CTIF: variants seen among roughly 807,000 people sequenced by gnomAD.
CTIF encodes the protein CBP80/20-dependent translation initiation factor.
Under a neutral mutation model 66.0 loss-of-function variants are expected in CTIF, and 21 were observed. The ratio of observed to expected loss-of-function variants is 0.32; its 90% CI spans 0.23 to 0.46. The LOEUF (loss-of-function observed/expected upper bound fraction) is 0.46. CTIF is among the 20% of genes least tolerant of loss of function. The pLI is 1.00. For missense variants in CTIF, 739 were observed against 812.7 expected (o/e 0.91, Z 1.10); for synonymous variants, 345 against 326.4 (o/e 1.06, Z -0.62).
intron 1 of CTIF, among the ~76,000 whole-genome samples, chr18:48,587,414 C>T (rs2089796302): frequency 3.3e-5 from 5 of 151,734 alleles, no homozygotes; most frequent in Admixed American, 3.3e-4. Context: ...AACTCCAAGC[C>T]ATTGAGGGTA....
chr18:48,615,363 C>T (rs879563260), intron 1 of CTIF, among the ~76,000 whole-genome samples: 2 of 152,202 alleles, frequency 1.3e-5, no homozygotes, highest in Non-Finnish European at 2.9e-5. Flanking sequence ...AAGCTTGGGG[C>T]TTTTCTGCTT....
intron 7 of CTIF, among the ~76,000 whole-genome samples, chr18:48,714,914 T>C (rs74389650): frequency 0.028 from 4,277 of 152,258 alleles, 209 homozygotes; most frequent in African/African-American, 0.096. Flanking sequence ...ACGGTCTTAG[T>C]GTTGGCCCAC....
At chr18:48,855,982 T>C (rs16950052) in intron 10 of CTIF, among the ~76,000 whole-genome samples, 11,274 of 152,200 alleles carry the variant, frequency 0.074, 819 homozygotes, top group East Asian at 0.42. Context: ...GTGGGGTCCC[T>C]GAGAGTCGTG....
intron 7 of CTIF, among the ~76,000 whole-genome samples, chr18:48,745,300 C>T (rs937331757): frequency 3.3e-5 from 5 of 152,186 alleles, no homozygotes; most frequent in African/African-American, 7.2e-5. Context: ...TCAGGAGGTA[C>T]GTGCTGTTCT....
At chr18:48,548,961 G>A (rs531132352) in intron 1 of CTIF, among the ~76,000 whole-genome samples, 3 of 152,234 alleles carry the variant, frequency 2.0e-5, no homozygotes, top group African/African-American at 7.2e-5. Context: ...GGGTGCCAAG[G>A]CAGCCAGAAG....
intron 9 of CTIF, among the ~76,000 whole-genome samples, chr18:48,800,673 C>G (rs1478605387): frequency 6.6e-6 from 1 of 152,182 alleles, no homozygotes; most frequent in Non-Finnish European, 1.5e-5. Context: ...GCTCCCCTGG[C>G]CAGGCATTTT....
rs768595480 is a variant in CTIF, at chr18:48,761,551, C to T, written c.1233C>T (p.Gly411=). 15 of 1,614,212 alleles carry T rather than the reference C, an allele frequency of 9.3e-6. No homozygotes were observed. The highest frequency in any genetic ancestry group is 5.0e-5 in the Admixed American group (3 of 60,028). ...CCACCAACTCCGAGGAGATGCTGGG[C>T]GAGATCGTGCGCACAATCTACCAGA... ...QNSTNSEEML[G]EIVRTIYQKA... Residue 411 remains glycine, a synonymous_variant, in exon 9 of 12, where the codon GGC becomes GGT. Coordinates refer to ENST00000256413, the MANE Select transcript of CTIF (RefSeq NM_014772.3). This position sits in a 1 kb window ranked among gnomAD's most constrained non-coding sequence, Gnocchi z 4.2.
At chr18:48,558,590 G>A (rs1184437747) in intron 1 of CTIF, among the ~76,000 whole-genome samples, 2 of 152,274 alleles carry the variant, frequency 1.3e-5, no homozygotes, top group East Asian at 3.9e-4. Context: ...CACAAAAAGT[G>A]GTCAGCACCT....
At chr18:48,741,826 A>G (rs2092557391) in intron 7 of CTIF, among the ~76,000 whole-genome samples, 1 of 152,120 alleles carries the variant, frequency 6.6e-6, no homozygotes, top group African/African-American at 2.4e-5. Context: ...CGTCATCTTC[A>G]TCTTCCCTTG....
intron 1 of CTIF, among the ~76,000 whole-genome samples, chr18:48,605,706 C>A (rs567796246): frequency 6.6e-6 from 1 of 152,236 alleles, no homozygotes; most frequent in African/African-American, 2.4e-5. Flanking sequence ...TGCAGCTGTC[C>A]CAGACTAGCC....
chr18:48,725,558 C>T (rs985952117), intron 7 of CTIF, among the ~76,000 whole-genome samples: 4 of 152,152 alleles, frequency 2.6e-5, no homozygotes, highest in Non-Finnish European at 5.9e-5. Flanking sequence ...TGAGGAGGAG[C>T]TCCCACCTTC....
At chr18:48,629,668 T>C (rs187263083) in intron 2 of CTIF, among the ~76,000 whole-genome samples, 115 of 152,266 alleles carry the variant, frequency 7.6e-4, no homozygotes, top group Non-Finnish European at 1.2e-3. Flanking sequence ...GTGATCTTTG[T>C]CTAATCCAAG....
chr18:48,816,145 A>G (rs1599098855), intron 9 of CTIF, among the ~76,000 whole-genome samples: 1 of 152,168 alleles, frequency 6.6e-6, no homozygotes, highest in African/African-American at 2.4e-5. Flanking sequence ...TATGTTGCCC[A>G]CCTTCTCCCT....
At chr18:48,717,840 C>T (rs2092296805) in intron 7 of CTIF, among the ~76,000 whole-genome samples, 3 of 152,160 alleles carry the variant, frequency 2.0e-5, no homozygotes, top group Non-Finnish European at 4.4e-5. Context: ...AATCCTCCTG[C>T]CTCAGCCTCT....
At chr18:48,638,304 G>A (rs1439485112) in intron 3 of CTIF, among the ~76,000 whole-genome samples, 2 of 152,202 alleles carry the variant, frequency 1.3e-5, no homozygotes, top group African/African-American at 4.8e-5. Context: ...TAAGAGGTTT[G>A]TCACTGAGAG....
At chr18:48,748,950 A>G (rs1387515579) in intron 7 of CTIF, among the ~76,000 whole-genome samples, 1 of 152,220 alleles carries the variant, frequency 6.6e-6, no homozygotes, top group Non-Finnish European at 1.5e-5. Flanking sequence ...AAGTGAGCCC[A>G]GGCTGCATCT....
intron 6 of CTIF, among the ~76,000 whole-genome samples, chr18:48,704,183 C>T (rs1033535827): frequency 2.0e-5 from 3 of 152,082 alleles, no homozygotes; most frequent in African/African-American, 7.2e-5. Context: ...TGCCCTGGTA[C>T]CGTAGGCCAT....
chr18:48,847,240 A>G (rs1447402562), intron 10 of CTIF, among the ~76,000 whole-genome samples: 1 of 151,042 alleles, frequency 6.6e-6, no homozygotes, highest in Non-Finnish European at 1.5e-5. Context: ...CCCGGGAAGC[A>G]GAGGTTGCAG....
chr18:48,819,621 C>T (rs959828550), intron 10 of CTIF, among the ~76,000 whole-genome samples: 2 of 152,224 alleles, frequency 1.3e-5, no homozygotes, highest in African/African-American at 4.8e-5. Context: ...AAGAGCCACG[C>T]CTAACGCACA....
Sources: gnomAD v4.1 joint callset for allele counts (sites outside exome capture counted in the v4.1 genomes callset) on GRCh38, gnomAD v4.1.1 for gene constraint, Gnocchi (gnomAD v3.1) non-coding constraint, MANE v1.5 for transcripts, NCBI Gene and HGNC (gene_info 2026-07-23, HGNC 2026-07-21) for gene names.